The following MBOAT2 variants were observed in gnomAD, a reference collection of about 807,000 sequenced individuals.
The protein encoded by MBOAT2 is membrane bound glycerophospholipid O-acyltransferase 2.
Under a neutral mutation model 63.4 loss-of-function variants are expected in MBOAT2, and 28 were observed. The ratio of observed to expected loss-of-function variants is 0.44; its 90% CI spans 0.33 to 0.61. The LOEUF (loss-of-function observed/expected upper bound fraction) is 0.61. Ranked by LOEUF, MBOAT2 falls within the 20% of genes least tolerant of loss-of-function variation. The pLI, the probability that MBOAT2 is intolerant of heterozygous loss-of-function variation, is 0.03. For synonymous variants in MBOAT2, 211 were observed against 215.6 expected (o/e 0.98, Z 0.19); for missense variants, 470 against 605.8 (o/e 0.78, Z 2.35).
intron 5 of MBOAT2, among the ~76,000 whole-genome samples, chr2:8,882,964 A>G (rs539573686): frequency 1.3e-5 from 2 of 152,328 alleles, no homozygotes; most frequent in South Asian, 4.1e-4. Context: ...AGCAAAGAGC[A>G]ATTTCCTTAC....
At chr2:8,976,640 T>C (rs928061064) in intron 1 of MBOAT2, among the ~76,000 whole-genome samples, 1 of 152,122 alleles carries the variant, frequency 6.6e-6, no homozygotes, top group Non-Finnish European at 1.5e-5. Flanking sequence ...AGAAGGGGGA[T>C]GAATACCAGA....
chr2:8,860,611 A>G lies in MBOAT2; in HGVS notation c.1337+2T>C. On this transcript the variant is annotated splice_donor_variant, in intron 12 of 12. Transcript: ENST00000305997. LOFTEE classifies it high-confidence loss of function. Reference sequence around the variant, plus strand: ...TGACAAAGTTTTAAGAGTAACACTTACCTGTAAAACGTGAGTGATGGTTTT... The same window carrying G: ...TGACAAAGTTTTAAGAGTAACACTTGCCTGTAAAACGTGAGTGATGGTTTT... The G allele has an allele frequency of 6.2e-7, 1 of 1,612,156 alleles. No individual in the cohort carries two copies. The highest frequency in any genetic ancestry group is 8.5e-7 in the Non-Finnish European group (1 of 1,179,484).
intron 6 of MBOAT2, among the ~76,000 whole-genome samples, chr2:8,878,393 T>C (rs569322884): frequency 6.6e-6 from 1 of 152,350 alleles, no homozygotes; most frequent in South Asian, 2.1e-4. Context: ...CAACTGCACC[T>C]GTGGACAGCA....
intron 1 of MBOAT2, among the ~76,000 whole-genome samples, chr2:8,967,281 G>A (rs1227116522): frequency 6.6e-6 from 1 of 152,136 alleles, no homozygotes; most frequent in Non-Finnish European, 1.5e-5. Context: ...TGCCCAGGGT[G>A]GTTACACAGA....
intron 1 of MBOAT2, among the ~76,000 whole-genome samples, chr2:8,966,195 A>G (rs1669969960): frequency 6.6e-6 from 1 of 152,174 alleles, no homozygotes; most frequent in Non-Finnish European, 1.5e-5. Flanking sequence ...GTAACAAACT[A>G]TACACTTATT....
At chr2:8,898,246 C>A (rs1433861445) in intron 4 of MBOAT2, among the ~76,000 whole-genome samples, 1 of 152,198 alleles carries the variant, frequency 6.6e-6, no homozygotes, top group Non-Finnish European at 1.5e-5. Context: ...GTTTCTGCCC[C>A]TGGTTCCCGT....
At chr2:8,924,899 A>G in intron 3 of MBOAT2, among the ~76,000 whole-genome samples, 1 of 152,214 alleles carries the variant, frequency 6.6e-6, no homozygotes, top group South Asian at 2.1e-4. Flanking sequence ...ATTGTAGTTT[A>G]CATGAAGATT....
intron 2 of MBOAT2, among the ~76,000 whole-genome samples, chr2:8,947,953 CCT>C (rs1491401279): frequency 2.0e-5 from 3 of 152,104 alleles, no homozygotes; most frequent in Non-Finnish European, 4.4e-5. Context: ...GATAGTGATT[CCT>C]CTGACGGATC....
At chr2:8,955,674 G>A (rs1477557534) in intron 2 of MBOAT2, among the ~76,000 whole-genome samples, 2 of 152,236 alleles carry the variant, frequency 1.3e-5, no homozygotes, top group Admixed American at 1.3e-4. Flanking sequence ...TGATAAAGCA[G>A]CAGCAGGGTT....
At chr2:8,950,137 A>C (rs1178649420) in intron 2 of MBOAT2, among the ~76,000 whole-genome samples, 1 of 152,216 alleles carries the variant, frequency 6.6e-6, no homozygotes, top group Non-Finnish European at 1.5e-5. Context: ...ATTACTATAC[A>C]GAAATGCTGC....
intron 3 of MBOAT2, among the ~76,000 whole-genome samples, chr2:8,921,140 AG>A: frequency 6.6e-6 from 1 of 152,178 alleles, no homozygotes; most frequent in Non-Finnish European, 1.5e-5. Context: ...GCTATGTCTC[AG>A]GCCTTTTTTG....
chr2:8,940,708 T>C (rs964669522), intron 3 of MBOAT2, among the ~76,000 whole-genome samples: 2 of 152,174 alleles, frequency 1.3e-5, no homozygotes, highest in South Asian at 4.1e-4. Flanking sequence ...ATATATATAT[T>C]TGAATTTACA....
chr2:8,943,492 T>C (rs1668194968), intron 2 of MBOAT2, among the ~76,000 whole-genome samples: 1 of 152,188 alleles, frequency 6.6e-6, no homozygotes, highest in African/African-American at 2.4e-5. Flanking sequence ...CCATGCCCAG[T>C]GCCCAGCACT....
intron 1 of MBOAT2, among the ~76,000 whole-genome samples, chr2:8,991,202 T>C (rs1671899599): frequency 6.6e-6 from 1 of 152,134 alleles, no homozygotes; most frequent in Non-Finnish European, 1.5e-5. Flanking sequence ...ATACACTTTC[T>C]AGAAAAACGA....
intron 1 of MBOAT2, among the ~76,000 whole-genome samples, chr2:8,970,614 T>C (rs898170620): frequency 1.3e-5 from 2 of 152,106 alleles, no homozygotes; most frequent in Non-Finnish European, 2.9e-5. Flanking sequence ...ACAAAGTTGA[T>C]AGACCACTAG....
intron 1 of MBOAT2, among the ~76,000 whole-genome samples, chr2:9,002,373 T>C (rs1672757523): frequency 6.6e-6 from 1 of 152,212 alleles, no homozygotes; most frequent in Admixed American, 6.5e-5. Flanking sequence ...AGTATCCTAA[T>C]GTCAGGTTTC....
chr2:8,942,558 T>C (rs765847616), intron 3 of MBOAT2, among the ~76,000 whole-genome samples: 11 of 152,236 alleles, frequency 7.2e-5, no homozygotes, highest in Non-Finnish European at 1.2e-4. Context: ...CAAAACTTCA[T>C]TGAGTGTTTA....
At chr2:8,893,523 G>A (rs924183173) in intron 4 of MBOAT2, among the ~76,000 whole-genome samples, 1 of 152,248 alleles carries the variant, frequency 6.6e-6, no homozygotes, top group African/African-American at 2.4e-5. Flanking sequence ...AGACACAGCA[G>A]ATGTTTAATA....
Position 8,999,549 on chromosome 2 carries a change from C to A in MBOAT2, c.75+3991G>T, listed in dbSNP as rs201166905. Among the ~76,000 whole-genome samples, 6 of 152,238 alleles carry A rather than the reference C, an allele frequency of 3.9e-5. No individual in the cohort carries two copies. In the East Asian group the frequency reaches 9.7e-4, roughly 25 times the overall value. On this transcript the variant is annotated intron_variant, in intron 1 of 12. Transcript: ENST00000305997. ...TTTGTTTCATTTTGGTGCTCGCTTT[C>A]GAGTCTTAAAAATCCAGCACATCAG...
Sources: allele counts gnomAD v4.1 joint callset (sites outside exome capture counted in the v4.1 genomes callset), GRCh38; gene constraint gnomAD v4.1.1; transcripts MANE v1.5; gene names NCBI Gene and HGNC (gene_info 2026-07-23, HGNC 2026-07-21).